RIN3: variants seen among roughly 807,000 people sequenced by gnomAD.
RIN3 encodes the protein RAB5 interacting protein 3.
Under a neutral mutation model 76.3 loss-of-function variants are expected in RIN3, and 54 were observed. The observed-to-expected ratio is 0.71, with a 90% CI of 0.57 to 0.89. The LOEUF is 0.89. Ranked by LOEUF, RIN3 falls within the 40% of genes least tolerant of loss-of-function variation. RIN3 has a pLI of 0.00. For missense variants in RIN3, 1,256 were observed against 1,322.1 expected (o/e 0.95, Z 0.78); for synonymous variants, 576 against 564.0 (o/e 1.02, Z -0.30).
chr14:92,641,422 C>G, intron 5 of RIN3, 93 bp downstream of exon 5: 3 of 909,074 alleles, frequency 3.3e-6, no homozygotes, highest in Non-Finnish European at 5.3e-6. Flanking sequence ...AGAGGGACAG[C>G]CTGAGTCCCA....
chr14:92,616,814 C>A (rs1252413432), intron 4 of RIN3, among the ~76,000 whole-genome samples: 7 of 152,168 alleles, frequency 4.6e-5, no homozygotes, highest in Non-Finnish European at 7.3e-5. Flanking sequence ...ATGGGAACTT[C>A]AGGGGGTGGA....
At chr14:92,604,057 A>T (rs1243420048) in intron 3 of RIN3, among the ~76,000 whole-genome samples, 1 of 152,220 alleles carries the variant, frequency 6.6e-6, no homozygotes, top group East Asian at 1.9e-4. Context: ...GCAGCCGTGG[A>T]CCCTGGCCAA....
At chr14:92,676,346 G>A (rs2140169473) in intron 7 of RIN3, 129 bp from the exon 8 acceptor site, 2 of 1,103,358 alleles carry the variant, frequency 1.8e-6, no homozygotes, top group East Asian at 4.9e-5. Flanking sequence ...AGTCATGAGA[G>A]AGCAGGAACA....
intron 5 of RIN3, chr14:92,644,914 T>A (rs1887145494): frequency 6.6e-6 from 1 of 152,200 alleles, no homozygotes; most frequent in African/African-American, 2.4e-5. Flanking sequence ...GCCTGGCATG[T>A]CACACATTGT....
intron 2 of RIN3, among the ~76,000 whole-genome samples, chr14:92,561,236 C>T (rs772552555): frequency 6.0e-5 from 9 of 149,624 alleles, no homozygotes; most frequent in Non-Finnish European, 1.0e-4. Flanking sequence ...CCACCTGGGT[C>T]TACCCCTGCT....
chr14:92,594,964 ATTG>A (rs1327665719), intron 3 of RIN3, among the ~76,000 whole-genome samples: 5 of 152,202 alleles, frequency 3.3e-5, no homozygotes, highest in Admixed American at 6.5e-5. Flanking sequence ...TTGGGATTAT[ATTG>A]TTGTTATGAG....
At position 92,514,113 on chromosome 14, in the gene RIN3, C is replaced by A; in HGVS notation, c.44+137C>A. On this transcript the variant is annotated intron_variant, in intron 1 of 9. Coordinates refer to ENST00000216487, the MANE Select transcript of RIN3 (RefSeq NM_024832.5). The surrounding 1 kb of genome is among the most constrained non-coding windows in gnomAD (Gnocchi z 7.2). ...TGTCGGGCTGATACGGGACCCCCAC[C>A]GTGGCCGAGGCCAGAACCTGGTTCT... 2 of 587,274 alleles carry A rather than the reference C, an allele frequency of 3.4e-6. No individual in the cohort carries two copies. The highest frequency in any genetic ancestry group is 5.0e-6 in the Non-Finnish European group (2 of 399,442). 36.4% of individuals were successfully genotyped at this position (587,274 alleles called of 1,614,324 possible).
At chr14:92,632,116 C>T (rs1886607904) in intron 4 of RIN3, among the ~76,000 whole-genome samples, 1 of 152,218 alleles carries the variant, frequency 6.6e-6, no homozygotes, top group Admixed American at 6.5e-5. Flanking sequence ...CTGGTCCTGT[C>T]GGCAGCTCTG....
In RIN3 at chr14:92,535,656, T is replaced by C. The variant is rs886579468; in HGVS notation, c.45-20095T>C. ...CCACCTTTTAAATTAGGACACAGTCTACCTGGAACAGACTTTTTTTTTTTT... is the reference window on the plus strand; with the variant it reads ...CCACCTTTTAAATTAGGACACAGTCCACCTGGAACAGACTTTTTTTTTTTT... On this transcript the variant is annotated intron_variant, in intron 1 of 9. Transcript: ENST00000216487. Among the ~76,000 whole-genome samples the C allele has an allele frequency of 2.0e-5, 3 of 147,044 alleles. No homozygotes were observed. In the Admixed American group the frequency reaches 2.1e-4, roughly 10 times the overall value.
rs181089915 is a variant in RIN3 at position 92,622,389 on chromosome 14, T to C, written c.440+6910T>C. On this transcript the variant is annotated intron_variant, in intron 4 of 9. Coordinates refer to ENST00000216487, the MANE Select transcript of RIN3 (RefSeq NM_024832.5). ...TTGGTACCTGGGTGTAATCCCTGAC[T>C]TTTAGCATCCTTATAATTTGATAAG... 3.9e-3 allele frequency among the ~76,000 whole-genome samples: 594 copies of C among 152,290 alleles called. 6 individuals are homozygous for C. Among genetic ancestry groups the C allele is most frequent in the African/African-American group, 0.013 (542 of 41,564 alleles).
chr14:92,656,215 T>C lies in RIN3; in HGVS notation c.2027-2946T>C, dbSNP rs2140147238. On this transcript the variant is annotated intron_variant, in intron 6 of 9. Transcript: ENST00000216487. The surrounding 1 kb of genome is among the most constrained non-coding windows in gnomAD (Gnocchi z 5.2). ...GGATGCTAAGCCGTGGAAAGGGTAG[T>C]GGAAGGACTTTCCTTCCGGAAAGGG... 6.6e-6 allele frequency among the ~76,000 whole-genome samples: 1 copy of C among 152,164 alleles called. No homozygotes were observed. Among genetic ancestry groups the C allele is most frequent in the South Asian group, 2.1e-4 (1 of 4,812 alleles).
At chr14:92,575,189 T>C (rs17783654) in intron 2 of RIN3, among the ~76,000 whole-genome samples, 9,544 of 152,214 alleles carry the variant, frequency 0.063, 398 homozygotes, top group South Asian at 0.13. Flanking sequence ...ATTATGATGA[T>C]ACAGCAATAT....
intron 3 of RIN3, among the ~76,000 whole-genome samples, chr14:92,602,094 C>T (rs369618961): frequency 3.3e-5 from 5 of 152,308 alleles, no homozygotes; most frequent in Admixed American, 2.6e-4. Context: ...GTGAAGCATG[C>T]GAGATGGTCC....
At chr14:92,588,383 G>C (rs558277198) in intron 3 of RIN3, among the ~76,000 whole-genome samples, 2 of 151,924 alleles carry the variant, frequency 1.3e-5, no homozygotes, top group East Asian at 3.9e-4. Context: ...ATGTGCCGCC[G>C]CCCCTGGCAA....
intron 3 of RIN3, among the ~76,000 whole-genome samples, chr14:92,604,079 G>A (rs1030340715): frequency 3.3e-5 from 5 of 152,248 alleles, no homozygotes; most frequent in Non-Finnish European, 7.3e-5. Flanking sequence ...ATGTAACTAT[G>A]TCCTTCAAAA....
intron 7 of RIN3, among the ~76,000 whole-genome samples, chr14:92,659,696 A>G (rs746733434): frequency 4.6e-5 from 7 of 152,234 alleles, no homozygotes; most frequent in South Asian, 2.1e-4. Flanking sequence ...GAGGCAAGCA[A>G]GGAAGCCAGC....
intron 1 of RIN3, among the ~76,000 whole-genome samples, chr14:92,532,290 C>G (rs1896900873): frequency 1.3e-5 from 2 of 152,284 alleles, no homozygotes; most frequent in South Asian, 2.1e-4. Flanking sequence ...ACACAGCAAG[C>G]TAACAGCAAC....
chr14:92,585,479 A>G (rs963966210), intron 3 of RIN3, among the ~76,000 whole-genome samples: 1 of 152,176 alleles, frequency 6.6e-6, no homozygotes, highest in African/African-American at 2.4e-5. Context: ...AGTTAGCACA[A>G]GGGTTCACTA....
At position 92,688,144 on chromosome 14, in the gene RIN3, C is replaced by G. The variant is rs1426882744; in HGVS notation, c.2850C>G (p.Ser950Arg). Residue 950 changes from serine to arginine, a missense_variant, in exon 10 of 10, where the codon AGC (serine) becomes AGG (arginine). Around this residue, in one of 3 missense-constraint regions of RIN3, gnomAD observed 218 missense variants for 174.5 expected, o/e 1.25. Transcript: ENST00000216487. ...PHCIKGYLLR[S>R]EPKRDFHFVY... ...GCATCAAGGGCTACCTGCTGCGCAG[C>G]GAGCCCAAGCGCGACTTCCACTTTG... 1.2e-6 allele frequency: 2 copies of G among 1,610,296 alleles called. No individual in the cohort carries two copies. Among genetic ancestry groups the G allele is most frequent in the Admixed American group, 1.7e-5 (1 of 59,890 alleles).
Sources: gnomAD v4.1 joint callset for allele counts (sites outside exome capture counted in the v4.1 genomes callset) on GRCh38, gnomAD v4.1.1 for gene constraint, gnomAD v4.1.1 regional missense constraint, Gnocchi (gnomAD v3.1) non-coding constraint, MANE v1.5 for transcripts, NCBI Gene and HGNC (gene_info 2026-07-23, HGNC 2026-07-21) for gene names.